Variants in PTPRN2 observed in about 807,000 individuals in gnomAD.
The protein encoded by PTPRN2 is receptor-type tyrosine-protein phosphatase N2.
In PTPRN2, 74 loss-of-function variants were observed where a neutral mutation model predicts 118.8. The ratio of observed to expected loss-of-function variants is 0.62; its 90% CI spans 0.52 to 0.76. The LOEUF is 0.76. PTPRN2 is among the 30% of genes least tolerant of loss of function. PTPRN2 has a pLI of 0.00. For missense variants in PTPRN2, 1,481 were observed against 1,394.4 expected, an observed-to-expected ratio of 1.06 and a Z score of -0.99; for synonymous variants, 641 against 608.0, an observed-to-expected ratio of 1.05 and a Z score of -0.80.
At chr7:157,981,622 A>G (rs1803158265) in intron 11 of PTPRN2, among the ~76,000 whole-genome samples, 2 of 152,238 alleles carry the variant, frequency 1.3e-5, no homozygotes, top group African/African-American at 4.8e-5. Context: ...ATTTTAAAAA[A>G]TAACTCAGTG....
chr7:158,069,018 G>C (rs1017627651), intron 11 of PTPRN2, among the ~76,000 whole-genome samples: 1 of 152,174 alleles, frequency 6.6e-6, no homozygotes, highest in Admixed American at 6.5e-5. Flanking sequence ...CCATCTTCAC[G>C]TGCTCTCTGT....
intron 3 of PTPRN2, among the ~76,000 whole-genome samples, chr7:158,281,877 C>T (rs942474367): frequency 6.6e-6 from 1 of 152,246 alleles, no homozygotes; most frequent in Non-Finnish European, 1.5e-5. Flanking sequence ...CTACTCTGAG[C>T]CCCGCATAAC....
intron 11 of PTPRN2, among the ~76,000 whole-genome samples, chr7:157,926,141 C>T (rs1798974297): frequency 6.6e-6 from 1 of 152,028 alleles, no homozygotes; most frequent in South Asian, 2.1e-4. Flanking sequence ...AGCTGAGGGT[C>T]CACGCGTTAC....
rs187778204 is a variant in PTPRN2 at position 158,112,559 on chromosome 7, C to T, written c.1557-1644G>A. On this transcript the variant is annotated intron_variant, in intron 9 of 22. Coordinates refer to ENST00000389418, the MANE Select transcript of PTPRN2 (RefSeq NM_002847.5). ...AGGCCATGCCGGTGGAGTCCGCTGG[C>T]ACTGGGAAAACACAAGATGGGCAGA... 3.5e-3 allele frequency among the ~76,000 whole-genome samples: 529 copies of T among 152,188 alleles called. 3 individuals are homozygous for T. The highest frequency in any genetic ancestry group is 0.012 in the African/African-American group (494 of 41,532).
intron 2 of PTPRN2, among the ~76,000 whole-genome samples, chr7:158,351,426 C>T (rs1035924411): frequency 1.4e-4 from 22 of 152,172 alleles, no homozygotes; most frequent in Non-Finnish European, 2.2e-4. Context: ...CTGTCTGGGG[C>T]GACTCGTACA....
chr7:157,592,032 G>A (rs1801011255), intron 17 of PTPRN2, among the ~76,000 whole-genome samples: 1 of 152,212 alleles, frequency 6.6e-6, no homozygotes, highest in Non-Finnish European at 1.5e-5. Context: ...CTGTGACCAG[G>A]TTGAGGGACG....
chr7:158,259,000 G>GGCAGGAA (rs1361532870), intron 3 of PTPRN2, among the ~76,000 whole-genome samples: 5 of 152,130 alleles, frequency 3.3e-5, no homozygotes, highest in Non-Finnish European at 7.3e-5. Flanking sequence ...GGTACAGGGA[G>GGCAGGAA]GCAGGAAGCA....
Position 157,836,676 on chromosome 7 carries a change from C to T in PTPRN2, c.1788+61997G>A, listed in dbSNP as rs548231123. Among the ~76,000 whole-genome samples the T allele has an allele frequency of 3.9e-4, 60 of 152,090 alleles. No homozygotes were observed. The South Asian group carries it at 0.011, about 27-fold the overall frequency. The stretch of plus-strand genomic sequence containing the variant: ...TAGTAAGCATTTTCTAAGTTTTCCA[C>T]GCTAAGTGTTCAATAGACACAAAAC... On this transcript the variant is annotated intron_variant, in intron 12 of 22. Transcript: ENST00000389418.
rs1035016460 is a variant in PTPRN2 at position 157,845,906 on chromosome 7, A to G, written c.1788+52767T>C. Among the ~76,000 whole-genome samples, 1 of 152,160 alleles carries G rather than the reference A, an allele frequency of 6.6e-6. No homozygotes were observed. Among genetic ancestry groups the G allele is most frequent in the Non-Finnish European group, 1.5e-5 (1 of 68,028 alleles). The stretch of plus-strand genomic sequence containing the variant: ...ATTAAAGCCTAAATGGGGGGAAAAA[A>G]CCTGTAAATGTTTTGAAGAAAACAT... On this transcript the variant is annotated intron_variant, in intron 12 of 22. Coordinates refer to ENST00000389418, the MANE Select transcript of PTPRN2 (RefSeq NM_002847.5). The surrounding 1 kb of genome is among the most constrained non-coding windows in gnomAD (Gnocchi z 4.5).
At chr7:157,683,747 T>C (rs186977282) in intron 12 of PTPRN2, among the ~76,000 whole-genome samples, 1 of 152,258 alleles carries the variant, frequency 6.6e-6, no homozygotes, top group East Asian at 1.9e-4. Flanking sequence ...TGCAAATAGT[T>C]GCACGGCTCT....
chr7:158,400,068 G>A (rs1251011430), intron 2 of PTPRN2, among the ~76,000 whole-genome samples: 3 of 152,212 alleles, frequency 2.0e-5, no homozygotes. Flanking sequence ...GGGGTGAGGA[G>A]AGGAAGTAAA....
At chr7:157,556,061 A>G (rs1798861123) in intron 21 of PTPRN2, among the ~76,000 whole-genome samples, 1 of 152,190 alleles carries the variant, frequency 6.6e-6, no homozygotes, top group Non-Finnish European at 1.5e-5. Context: ...GTCAAGCTAG[A>G]GCCCCTCACG....
chr7:158,211,726 C>T (rs759722392), intron 3 of PTPRN2, among the ~76,000 whole-genome samples: 18 of 151,944 alleles, frequency 1.2e-4, no homozygotes, highest in African/African-American at 4.1e-4. Flanking sequence ...CAAATGCTGG[C>T]GAGGATATAG....
At position 158,138,472 on chromosome 7, in the gene PTPRN2, C is replaced by T. The variant is rs776694017; in HGVS notation, c.954G>A (p.Pro318=). ...HTLLKDLQRQ[P]AEVRGLSGLE... is the part of the protein sequence containing the mutation. ...GGCCACTCAGGCCCCTCACCTCAGC[C>T]GGCTGCCTCTGCAGGTCCTTCAGGA... Residue 318 remains proline (P), a synonymous_variant, in exon 7 of 23, where the codon CCG becomes CCA. Transcript: ENST00000389418. 3.5e-5 allele frequency: 57 copies of T among 1,612,850 alleles called. No individual in the cohort carries two copies. Among genetic ancestry groups the T allele is most frequent in the African/African-American group, 9.3e-5 (7 of 74,940 alleles).
chr7:158,366,760 A>C (rs1356981923), intron 2 of PTPRN2, among the ~76,000 whole-genome samples: 1 of 152,124 alleles, frequency 6.6e-6, no homozygotes, highest in Non-Finnish European at 1.5e-5. Context: ...TCATTCCTGA[A>C]TTTTTGTCTT....
At chr7:157,796,192 A>G (rs1176708257) in intron 12 of PTPRN2, among the ~76,000 whole-genome samples, 2 of 152,274 alleles carry the variant, frequency 1.3e-5, no homozygotes, top group African/African-American at 4.8e-5. Flanking sequence ...CAGGCATGAA[A>G]GATCGGCCTT....
chr7:158,573,733 T>C (rs759816424), intron 1 of PTPRN2, among the ~76,000 whole-genome samples: 9 of 152,228 alleles, frequency 5.9e-5, no homozygotes, highest in Non-Finnish European at 1.0e-4. Context: ...TTACTGAACA[T>C]ATATATTGAC....
intron 2 of PTPRN2, among the ~76,000 whole-genome samples, chr7:158,386,218 C>G (rs1340465649): frequency 7.2e-6 from 1 of 138,130 alleles, no homozygotes; most frequent in African/African-American, 2.9e-5. Context: ...TCCTCCTGTG[C>G]TCTGAGTCCC....
At chr7:158,002,896 T>C (rs1805375565) in intron 11 of PTPRN2, among the ~76,000 whole-genome samples, 1 of 152,134 alleles carries the variant, frequency 6.6e-6, no homozygotes, top group Non-Finnish European at 1.5e-5. Context: ...CTGGATCTCA[T>C]CTGTGGAACT....
Sources: gnomAD v4.1 joint callset for allele counts (sites outside exome capture counted in the v4.1 genomes callset) on GRCh38, gnomAD v4.1.1 for gene constraint, Gnocchi (gnomAD v3.1) non-coding constraint, MANE v1.5 for transcripts, NCBI Gene and HGNC (gene_info 2026-07-23, HGNC 2026-07-21) for gene names.